Variants in IQCH observed in about 807,000 individuals in gnomAD.
IQCH encodes IQ domain-containing protein H.
A neutral mutation model predicts 117.0 loss-of-function variants in IQCH; 98 were observed. That is an observed-to-expected ratio of 0.84 (90% CI 0.71 to 0.99). The LOEUF (loss-of-function observed/expected upper bound fraction) is 0.99. Ranked by LOEUF, IQCH falls within the 50% of genes least tolerant of loss-of-function variation. IQCH has a pLI of 0.00. For synonymous variants in IQCH, 412 were observed against 448.2 expected, an observed-to-expected ratio of 0.92 and a Z score of 1.02; for missense variants, 1,102 against 1,243.8, an observed-to-expected ratio of 0.89 and a Z score of 1.72.
At position 67,467,689 on chromosome 15, in the gene IQCH, C is replaced by T. The variant is rs2082968862; in HGVS notation, c.2676+2392C>T. On this transcript the variant is annotated intron_variant, in intron 17 of 20. Coordinates refer to ENST00000335894, the MANE Select transcript of IQCH (RefSeq NM_001031715.3). The surrounding 1 kb of genome is among the most constrained non-coding windows in gnomAD (Gnocchi z 5.7). ...AGCATGTGCACATGCACACGCGGTACAACTCACAAGCAAATCGAAGCTTCC... is the reference window on the plus strand; with the variant it reads ...AGCATGTGCACATGCACACGCGGTATAACTCACAAGCAAATCGAAGCTTCC... Among the ~76,000 whole-genome samples, 2 of 152,148 alleles carry T rather than the reference C, an allele frequency of 1.3e-5. No homozygotes were observed. The highest frequency in any genetic ancestry group is 4.8e-5 in the African/African-American group (2 of 41,418).
rs1462527208 is a variant in IQCH, at chr15:67,432,543, C to T, written c.2505+10966C>T. Among the ~76,000 whole-genome samples the T allele has an allele frequency of 6.6e-6, 1 of 152,146 alleles. No individual in the cohort carries two copies. Among genetic ancestry groups the T allele is most frequent in the Non-Finnish European group, 1.5e-5 (1 of 68,018 alleles). Reference sequence around the variant, plus strand: ...CTTCCTCACAGTATGTTCTGAGAGGCTAAGCAGATATAAGGTGATGTTCTT... The same window carrying T: ...CTTCCTCACAGTATGTTCTGAGAGGTTAAGCAGATATAAGGTGATGTTCTT... On this transcript the variant is annotated intron_variant, in intron 16 of 20. Transcript: ENST00000335894. The surrounding 1 kb of genome is among the most constrained non-coding windows in gnomAD (Gnocchi z 5.0).
At chr15:67,483,962 G>GA (rs2083405899) in intron 18 of IQCH, among the ~76,000 whole-genome samples, 1 of 152,192 alleles carries the variant, frequency 6.6e-6, no homozygotes, top group Non-Finnish European at 1.5e-5. Flanking sequence ...CTGCTAAATT[G>GA]AAAGGGTACT....
intron 4 of IQCH, among the ~76,000 whole-genome samples, chr15:67,284,063 CTT>C (rs1307354003): frequency 1.3e-5 from 2 of 152,050 alleles, no homozygotes; most frequent in Non-Finnish European, 2.9e-5. Flanking sequence ...CAATTATACT[CTT>C]TAGTTATTTT....
rs1567163483 is a variant in IQCH at position 67,408,642 on chromosome 15, GTC to G, written c.2098-8284_2098-8283del. On this transcript the variant is annotated intron_variant, in intron 14 of 20. Transcript: ENST00000335894. The surrounding 1 kb of genome is among the most constrained non-coding windows in gnomAD (Gnocchi z 4.2). ...AATTAAAATATAAATTCTCCTGATAGTCTCTCATTTCATTCCACAAACTTACT... is the reference window on the plus strand; with the variant it reads ...AATTAAAATATAAATTCTCCTGATAGTCTCATTTCATTCCACAAACTTACT... Among the ~76,000 whole-genome samples the G allele has an allele frequency of 6.6e-6, 1 of 152,114 alleles. No individual in the cohort carries two copies. The highest frequency in any genetic ancestry group is 1.5e-5 in the Non-Finnish European group (1 of 68,034).
chr15:67,257,629 A>G (rs1965278610), intron 1 of IQCH, among the ~76,000 whole-genome samples: 5 of 152,220 alleles, frequency 3.3e-5, no homozygotes, highest in Admixed American at 3.3e-4. Flanking sequence ...GACTCTGGGA[A>G]GTTTCCAATC....
intron 16 of IQCH, among the ~76,000 whole-genome samples, chr15:67,423,722 T>G (rs938047597): frequency 1.0e-4 from 15 of 150,208 alleles, no homozygotes; most frequent in African/African-American, 3.7e-4. Context: ...GGCGTGATGG[T>G]GGATGCCTAT....
At chr15:67,290,379 G>A (rs913034552) in intron 4 of IQCH, among the ~76,000 whole-genome samples, 2 of 151,938 alleles carry the variant, frequency 1.3e-5, no homozygotes, top group South Asian at 4.1e-4. Context: ...CTTTTAAAAG[G>A]TGTTTTAAGC....
intron 4 of IQCH, among the ~76,000 whole-genome samples, chr15:67,287,787 T>G (rs957421340): frequency 4.6e-5 from 7 of 152,042 alleles, no homozygotes; most frequent in African/African-American, 1.7e-4. Context: ...AATTTTGGGT[T>G]TGGTTTTCTC....
At chr15:67,498,628 A>AAAAAT (rs60915720) in intron 20 of IQCH, among the ~76,000 whole-genome samples, 18 of 148,858 alleles carry the variant, frequency 1.2e-4, no homozygotes, top group South Asian at 8.5e-4. Flanking sequence ...AAAAAAAAAA[A>AAAAAT]TAAGTTAAAA....
chr15:67,484,858 T>C (rs2083432583), intron 18 of IQCH, among the ~76,000 whole-genome samples: 1 of 152,014 alleles, frequency 6.6e-6, no homozygotes. Flanking sequence ...GAAGATATTA[T>C]CTAGAGCTGC....
rs1017830326 is a variant in IQCH at position 67,459,649 on chromosome 15, A to G, written c.2506-5478A>G. 2.6e-5 allele frequency: 4 copies of G among 152,336 alleles called. No individual in the cohort carries two copies. The highest frequency in any genetic ancestry group is 9.7e-5 in the African/African-American group (4 of 41,440). The allele number at this position is 152,336 out of a possible 1,614,324, so 9.4% of individuals were successfully genotyped here. ...TCCTTGGACCAGAACAATCTGGGCA[A>G]GCTGACCTTTGCCTGACTCCTGCCC... On this transcript the variant is annotated intron_variant, in intron 16 of 20. Transcript: ENST00000335894. The surrounding 1 kb of genome is among the most constrained non-coding windows in gnomAD (Gnocchi z 4.2).
intron 8 of IQCH, among the ~76,000 whole-genome samples, chr15:67,367,817 A>G (rs1332432607): frequency 1.3e-5 from 2 of 152,186 alleles, no homozygotes; most frequent in Admixed American, 1.3e-4. Context: ...CACACTTCTT[A>G]TAGTACTTAT....
At chr15:67,269,666 C>T (rs2140450581) in intron 3 of IQCH, among the ~76,000 whole-genome samples, 1 of 149,982 alleles carries the variant, frequency 6.7e-6, no homozygotes, top group Non-Finnish European at 1.5e-5. Context: ...CCTCTGGTAA[C>T]CACCAATCTA....
intron 10 of IQCH, among the ~76,000 whole-genome samples, chr15:67,382,017 G>T (rs1970950334): frequency 6.6e-6 from 1 of 151,938 alleles, no homozygotes; most frequent in African/African-American, 2.4e-5. Context: ...TTTGAGTACG[G>T]GCTTCACACG....
At position 67,416,808 on chromosome 15, in the gene IQCH, A is replaced by T; in HGVS notation, c.2098-123A>T. 1.5e-6 allele frequency: 1 copy of T among 657,354 alleles called. No individual in the cohort carries two copies. Among genetic ancestry groups the T allele is most frequent in the Non-Finnish European group, 2.3e-6 (1 of 437,944 alleles). 40.7% of individuals were successfully genotyped at this position (657,354 alleles called of 1,614,324 possible). On this transcript the variant is annotated intron_variant, in intron 14 of 20. Coordinates refer to ENST00000335894, the MANE Select transcript of IQCH (RefSeq NM_001031715.3). This position sits in a 1 kb window ranked among gnomAD's most constrained non-coding sequence, Gnocchi z 5.1. The stretch of plus-strand genomic sequence containing the variant: ...AGAACATTTTCAAAATGGCTTTCTG[A>T]CTCTGGGTAAACAGTAACCACATTT...
At chr15:67,438,531 G>A (rs553995043) in intron 16 of IQCH, among the ~76,000 whole-genome samples, 4 of 152,278 alleles carry the variant, frequency 2.6e-5, no homozygotes, top group African/African-American at 4.8e-5. Context: ...AGGCAACGAA[G>A]AGCAGGATGA....
intron 18 of IQCH, among the ~76,000 whole-genome samples, chr15:67,478,169 G>C (rs761207444): frequency 6.6e-6 from 1 of 152,050 alleles, no homozygotes; most frequent in Non-Finnish European, 1.5e-5. Context: ...TGGATCACCT[G>C]AGGTCAGGAG....
Position 67,459,110 on chromosome 15 carries a change from A to G in IQCH, c.2506-6017A>G, listed in dbSNP as rs1426341726. Among the ~76,000 whole-genome samples, 2 of 152,178 alleles carry G rather than the reference A, an allele frequency of 1.3e-5. No individual in the cohort carries two copies. Among genetic ancestry groups the G allele is most frequent in the East Asian group, 3.9e-4 (2 of 5,192 alleles). Reference sequence around the variant, plus strand: ...CCGGAGAGGCAACTTCTTTTGGGTCACAGATATTTGTCTCAGACCCTGATA... The same window carrying G: ...CCGGAGAGGCAACTTCTTTTGGGTCGCAGATATTTGTCTCAGACCCTGATA... On this transcript the variant is annotated intron_variant, in intron 16 of 20. Transcript: ENST00000335894. The surrounding 1 kb of genome is among the most constrained non-coding windows in gnomAD (Gnocchi z 4.2).
intron 6 of IQCH, among the ~76,000 whole-genome samples, chr15:67,349,606 C>CAAAA (rs35892110): frequency 1.8e-4 from 22 of 119,064 alleles, no homozygotes; most frequent in Non-Finnish European, 2.3e-4. Flanking sequence ...GACTCCATCT[C>CAAAA]AAAAAAAAAA....
Sources: allele counts gnomAD v4.1 joint callset (sites outside exome capture counted in the v4.1 genomes callset), GRCh38; gene constraint gnomAD v4.1.1; non-coding constraint Gnocchi (gnomAD v3.1); transcripts MANE v1.5; gene names NCBI Gene and HGNC (gene_info 2026-07-23, HGNC 2026-07-21).